The following ADAMTS14 variants were observed in gnomAD, a reference collection of about 807,000 sequenced individuals.
ADAMTS14 encodes the protein ADAM metallopeptidase with thrombospondin type 1 motif 14.
ADAMTS14 carries 100 observed loss-of-function variants against 128.6 expected under a neutral mutation model. That is an observed-to-expected ratio of 0.78 (90% CI 0.66 to 0.92). The LOEUF is 0.92. Ranked by LOEUF, ADAMTS14 falls within the 40% of genes least tolerant of loss-of-function variation. The pLI is 0.00. For synonymous variants in ADAMTS14, 665 were observed against 653.8 expected (o/e 1.02, Z -0.26); for missense variants, 1,562 against 1,658.6 (o/e 0.94, Z 1.01).
At chr10:70,691,714 G>T (rs1840195324) in intron 2 of ADAMTS14, among the ~76,000 whole-genome samples, 1 of 152,048 alleles carries the variant, frequency 6.6e-6, no homozygotes, top group Non-Finnish European at 1.5e-5. Context: ...GCAGATCACA[G>T]CTGCTCCCTC....
chr10:70,691,487 T>TAAAAAAAAAAAAAAA (rs11373533), intron 2 of ADAMTS14, among the ~76,000 whole-genome samples: 1 of 86,698 alleles, frequency 1.2e-5, no homozygotes, highest in African/African-American at 3.9e-5. Context: ...GAGACCCTGT[T>TAAAAAAAAAAAAAAA]AAAAAAAAAA....
intron 11 of ADAMTS14, 48 bp from the exon 12 acceptor site, chr10:70,740,939 C>T: frequency 1.3e-6 from 2 of 1,596,070 alleles, no homozygotes; most frequent in Non-Finnish European, 1.7e-6. Context: ...TGGCCCTCCC[C>T]AGCCTTCCCA....
chr10:70,746,575 A>G (rs1281823305), intron 15 of ADAMTS14, among the ~76,000 whole-genome samples: 1 of 152,244 alleles, frequency 6.6e-6, no homozygotes, highest in Non-Finnish European at 1.5e-5. Flanking sequence ...TGGGAGGCCA[A>G]GGTGGGTGGA....
rs1428813430 is a variant in ADAMTS14 at position 70,691,507 on chromosome 10, A to AC, written c.523-10805_523-10804insC. Among the ~76,000 whole-genome samples, 22 of 111,644 alleles carry AC rather than the reference A, an allele frequency of 2.0e-4. 1 individual carries two copies. The highest frequency in any genetic ancestry group is 3.5e-4 in the Non-Finnish European group (15 of 43,156). The allele number at this position is 111,644 out of a possible 152,430, so 73.2% of individuals were successfully genotyped here. A position where few individuals can be genotyped will look rare whatever the true frequency, so the allele number is the denominator to read the frequency against. ...CCTGTTAAAAAAAAAAAAAAAAAAA[A>AC]AACAAAGAAAAAAACAAAACTTCAA... On this transcript the variant is annotated intron_variant, in intron 2 of 21. Coordinates refer to ENST00000373207, the MANE Select transcript of ADAMTS14 (RefSeq NM_080722.4).
At chr10:70,687,238 T>C (rs1226704284) in intron 2 of ADAMTS14, among the ~76,000 whole-genome samples, 4 of 86,974 alleles carry the variant, frequency 4.6e-5, no homozygotes, top group Non-Finnish European at 5.0e-5. Context: ...GGCGGGGGGC[T>C]GACCCCCCCA....
chr10:70,757,245 C>G (rs1380909296), intron 19 of ADAMTS14, among the ~76,000 whole-genome samples: 2 of 152,174 alleles, frequency 1.3e-5, no homozygotes, highest in African/African-American at 2.4e-5. Context: ...TGGCCACCCC[C>G]TGCAAACGGT....
rs1391468261 is a variant in ADAMTS14 at position 70,688,211 on chromosome 10, G to A, written c.522+13216G>A. The stretch of plus-strand genomic sequence containing the variant: ...GACGGGGTCTCGGCCGGGCAGAGGC[G>A]CTCCTCACATCCCAGATGGGGCGGC... On this transcript the variant is annotated intron_variant, in intron 2 of 21. Transcript: ENST00000373207. 5.7e-4 allele frequency among the ~76,000 whole-genome samples: 26 copies of A among 45,422 alleles called. 3 individuals are homozygous for A. Among genetic ancestry groups the A allele is most frequent in the Admixed American group, 2.7e-3 (11 of 4,030 alleles). The allele number at this position is 45,422 out of a possible 152,430, so 29.8% of individuals were successfully genotyped here.
chr10:70,699,883 C>T (rs571186698), intron 2 of ADAMTS14, among the ~76,000 whole-genome samples: 15 of 152,160 alleles, frequency 9.9e-5, no homozygotes, highest in African/African-American at 2.9e-4. Flanking sequence ...CGTGATGGAC[C>T]GAGACGGTGC....
At chr10:70,699,843 A>C (rs1840442154) in intron 2 of ADAMTS14, among the ~76,000 whole-genome samples, 1 of 152,004 alleles carries the variant, frequency 6.6e-6, no homozygotes, top group African/African-American at 2.4e-5. Flanking sequence ...TGGTCTGGAG[A>C]GTTCGCCCTC....
intron 2 of ADAMTS14, among the ~76,000 whole-genome samples, chr10:70,690,748 C>G (rs1840160427): frequency 6.9e-6 from 1 of 145,230 alleles, no homozygotes; most frequent in Admixed American, 6.8e-5. Flanking sequence ...CCCAGTGCTG[C>G]TCACTGTCAG....
intron 2 of ADAMTS14, among the ~76,000 whole-genome samples, chr10:70,701,094 G>A (rs556579576): frequency 6.6e-6 from 1 of 152,194 alleles, no homozygotes; most frequent in African/African-American, 2.4e-5. Context: ...GATGTTTTCT[G>A]TTTGATCCAC....
intron 2 of ADAMTS14, among the ~76,000 whole-genome samples, chr10:70,688,749 C>T (rs1466105203): frequency 5.1e-5 from 3 of 59,350 alleles, no homozygotes; most frequent in Non-Finnish European, 8.9e-5. Flanking sequence ...CGCAGGCATT[C>T]GGCAGACTGA....
intron 8 of ADAMTS14, 75 bp from the exon 9 acceptor site, chr10:70,735,094 C>T (rs1010724812): frequency 2.6e-6 from 4 of 1,547,046 alleles, no homozygotes; most frequent in African/African-American, 2.7e-5. Context: ...CTCATGAAAA[C>T]CCCAGCCCCT....
chr10:70,740,018 G>A (rs540727965), intron 11 of ADAMTS14, among the ~76,000 whole-genome samples: 47 of 152,236 alleles, frequency 3.1e-4, no homozygotes, highest in Non-Finnish European at 5.6e-4. Context: ...AGGCATGACC[G>A]ACAATTATCC....
At chr10:70,676,682 C>G (rs1839656437) in intron 2 of ADAMTS14, among the ~76,000 whole-genome samples, 1 of 152,230 alleles carries the variant, frequency 6.6e-6, no homozygotes, top group Non-Finnish European at 1.5e-5. Context: ...TGGGCTGAGC[C>G]TCTGCCGCCA....
At chr10:70,715,535 G>C (rs1589291903) in intron 4 of ADAMTS14, among the ~76,000 whole-genome samples, 1 of 152,104 alleles carries the variant, frequency 6.6e-6, no homozygotes, top group East Asian at 1.9e-4. Context: ...GAGGGTGGAG[G>C]GGATACTCTT....
At chr10:70,746,769 C>T (rs1283465526) in intron 15 of ADAMTS14, among the ~76,000 whole-genome samples, 3 of 152,232 alleles carry the variant, frequency 2.0e-5, no homozygotes, top group South Asian at 4.2e-4. Flanking sequence ...ACACCTTATT[C>T]GAGTGAGTTG....
At chr10:70,708,558 G>A (rs1840734799) in intron 3 of ADAMTS14, 30 bp from the exon 4 acceptor site, 2 of 1,577,076 alleles carry the variant, frequency 1.3e-6, no homozygotes, top group Non-Finnish European at 1.7e-6. Flanking sequence ...CTGTGGGTTG[G>A]ACCTCACTCT....
At chr10:70,690,535 C>T (rs1408743196) in intron 2 of ADAMTS14, among the ~76,000 whole-genome samples, 1 of 145,390 alleles carries the variant, frequency 6.9e-6, no homozygotes, top group African/African-American at 2.4e-5. Flanking sequence ...ATCGGCAGCT[C>T]ACTACAGACC....
Sources: allele counts gnomAD v4.1 joint callset (sites outside exome capture counted in the v4.1 genomes callset), GRCh38; gene constraint gnomAD v4.1.1; transcripts MANE v1.5; gene names NCBI Gene and HGNC (gene_info 2026-07-23, HGNC 2026-07-21).